Variants in CYB5R4 observed in about 807,000 individuals in gnomAD.
The protein encoded by CYB5R4 is N-terminal cytochrome b5 and cytochrome b5 oxidoreductase domain-containing protein.
In CYB5R4, 55 loss-of-function variants were observed where a neutral mutation model predicts 70.2. The ratio of observed to expected loss-of-function variants is 0.78; its 90% CI spans 0.63 to 0.98. The LOEUF (loss-of-function observed/expected upper bound fraction) is 0.98, where lower values mean the gene tolerates loss of function less well. Ranked by LOEUF, CYB5R4 falls within the 50% of genes least tolerant of loss-of-function variation. The probability of loss-of-function intolerance (pLI) is 0.00; values close to 1 mark genes in which losing one functional copy is unlikely to be tolerated. For synonymous variants in CYB5R4, 197 were observed against 199.5 expected (o/e 0.99, Z 0.11); for missense variants, 562 against 612.6 (o/e 0.92, Z 0.87).
At chr6:83,947,200 A>G (rs992319896) in intron 14 of CYB5R4, among the ~76,000 whole-genome samples, 1 of 152,220 alleles carries the variant, frequency 6.6e-6, no homozygotes, top group African/African-American at 2.4e-5. Context: ...TACTGGTACC[A>G]AAACAGATAT....
chr6:83,948,397 TAGG>T (rs2099470981), intron 14 of CYB5R4, among the ~76,000 whole-genome samples: 1 of 152,060 alleles, frequency 6.6e-6, no homozygotes, highest in African/African-American at 2.4e-5. Flanking sequence ...GGGATAGAAT[TAGG>T]AGAAATACCT....
chr6:83,955,160 C>G, intron 14 of CYB5R4, 138 bp from the exon 15 acceptor site: 1 of 628,090 alleles, frequency 1.6e-6, no homozygotes, highest in African/African-American at 1.9e-5. Flanking sequence ...CAATTTTTTT[C>G]AGTGTTTTTC....
chr6:83,888,518 T>C (rs2099460606), intron 2 of CYB5R4, among the ~76,000 whole-genome samples: 1 of 152,166 alleles, frequency 6.6e-6, no homozygotes, highest in Non-Finnish European at 1.5e-5. Flanking sequence ...ATGTTACTAT[T>C]GTAATAGTTT....
chr6:83,915,914 A>G (rs1200030769), intron 5 of CYB5R4, among the ~76,000 whole-genome samples: 1 of 152,176 alleles, frequency 6.6e-6, no homozygotes, highest in East Asian at 1.9e-4. Flanking sequence ...CATTCAATCA[A>G]CCAATACTTA....
chr6:83,940,622 C>T (rs2099469599), intron 14 of CYB5R4, 21 bp downstream of exon 14: 2 of 1,585,986 alleles, frequency 1.3e-6, no homozygotes, highest in Admixed American at 3.7e-5. Context: ...GATATTAGCT[C>T]TGCGTTTAGT....
At chr6:83,915,395 A>G (rs924875212) in intron 5 of CYB5R4, among the ~76,000 whole-genome samples, 3 of 152,216 alleles carry the variant, frequency 2.0e-5, no homozygotes, top group African/African-American at 4.8e-5. Flanking sequence ...TATGCAATTT[A>G]TAGTACCTGT....
intron 2 of CYB5R4, among the ~76,000 whole-genome samples, chr6:83,877,929 C>T (rs536409924): frequency 1.8e-4 from 27 of 152,248 alleles, no homozygotes; most frequent in Middle Eastern, 3.4e-3. Flanking sequence ...TCTTTTGCAT[C>T]TTCCTCTGGG....
chr6:83,916,601 CTTG>C (rs1247258932), intron 5 of CYB5R4, among the ~76,000 whole-genome samples: 1 of 152,142 alleles, frequency 6.6e-6, no homozygotes, highest in Non-Finnish European at 1.5e-5. Flanking sequence ...CAACTCTGAC[CTTG>C]TTGTCACATC....
At chr6:83,923,755 C>G (rs1334567479) in intron 9 of CYB5R4, among the ~76,000 whole-genome samples, 1 of 151,978 alleles carries the variant, frequency 6.6e-6, no homozygotes, top group African/African-American at 2.4e-5. Flanking sequence ...GTTTAGTAGG[C>G]TCAGTATTAG....
At chr6:83,886,142 A>G (rs1536150) in intron 2 of CYB5R4, among the ~76,000 whole-genome samples, 43,331 of 151,976 alleles carry the variant, frequency 0.29, 12,143 homozygotes, top group African/African-American at 0.73. Context: ...CAAGAGTCCC[A>G]ATGCAGTATA....
At chr6:83,937,303 A>G (rs980718111) in intron 12 of CYB5R4, among the ~76,000 whole-genome samples, 2 of 151,938 alleles carry the variant, frequency 1.3e-5, no homozygotes, top group Non-Finnish European at 2.9e-5. Context: ...ATAAAAATAA[A>G]TAAAAAGACC....
intron 8 of CYB5R4, among the ~76,000 whole-genome samples, chr6:83,921,429 G>C (rs1192101979): frequency 1.3e-5 from 2 of 152,196 alleles, no homozygotes; most frequent in Non-Finnish European, 2.9e-5. Context: ...TGTTGGCCCA[G>C]TTGTGTAAAA....
At chr6:83,957,093 ATGT>A (rs1285216819) in intron 15 of CYB5R4, among the ~76,000 whole-genome samples, 2 of 151,924 alleles carry the variant, frequency 1.3e-5, no homozygotes, top group African/African-American at 2.4e-5. Context: ...TTTAAGAAAA[ATGT>A]TGTTTTAGTT....
intron 7 of CYB5R4, among the ~76,000 whole-genome samples, chr6:83,920,467 A>C (rs1179271604): frequency 6.6e-6 from 1 of 152,098 alleles, no homozygotes; most frequent in Non-Finnish European, 1.5e-5. Context: ...GTCCACTTGC[A>C]CTGGTAATAT....
At chr6:83,889,366 C>A (rs2324479) in intron 2 of CYB5R4, among the ~76,000 whole-genome samples, 23,419 of 152,108 alleles carry the variant, frequency 0.15, 3,522 homozygotes, top group African/African-American at 0.38. Flanking sequence ...TTGTTAAGGC[C>A]TAATGCAGCT....
chr6:83,891,490 G>T (rs1193022162), intron 2 of CYB5R4, among the ~76,000 whole-genome samples: 27 of 152,212 alleles, frequency 1.8e-4, no homozygotes, highest in Admixed American at 1.8e-3. Flanking sequence ...TAAGGAAGGA[G>T]AGAAAGAGCA....
chr6:83,880,841 C>A lies in CYB5R4; in HGVS notation c.230-12681C>A, dbSNP rs575557193. On this transcript the variant is annotated intron_variant, in intron 2 of 15. Coordinates refer to ENST00000369681, the MANE Select transcript of CYB5R4 (RefSeq NM_016230.4). ...GTATTTAAAAATATTTCTCCTCCTG[C>A]ATTGGCATCAATATTGGGCCGGTCT... Among the ~76,000 whole-genome samples, 3 of 152,302 alleles carry A rather than the reference C, an allele frequency of 2.0e-5. No individual in the cohort carries two copies. In the Middle Eastern group the frequency reaches 0.01, roughly 518 times the overall value.
At chr6:83,892,781 C>G (rs531458067) in intron 2 of CYB5R4, among the ~76,000 whole-genome samples, 1 of 152,088 alleles carries the variant, frequency 6.6e-6, no homozygotes, top group East Asian at 1.9e-4. Context: ...TCATCAGATT[C>G]TTCTACCAGG....
chr6:83,884,853 G>A (rs980991808), intron 2 of CYB5R4, among the ~76,000 whole-genome samples: 7 of 152,128 alleles, frequency 4.6e-5, no homozygotes, highest in Admixed American at 4.6e-4. Context: ...AATTTTTGTT[G>A]AATGAATATA....
Sources: gnomAD v4.1 joint callset for allele counts (sites outside exome capture counted in the v4.1 genomes callset) on GRCh38, gnomAD v4.1.1 for gene constraint, MANE v1.5 for transcripts, NCBI Gene and HGNC (gene_info 2026-07-23, HGNC 2026-07-21) for gene names.